The following TIAM1 variants were observed in gnomAD, a reference collection of about 807,000 sequenced individuals.
TIAM1 encodes TIAM Rac1 associated GEF 1, also known as rho guanine nucleotide exchange factor TIAM1.
A neutral mutation model predicts 163.5 loss-of-function variants in TIAM1; 65 were observed. The observed-to-expected ratio is 0.40, with a 90% confidence interval of 0.33 to 0.49. The LOEUF is 0.49. TIAM1 is among the 20% of genes least tolerant of loss of function. TIAM1 has a pLI of 0.77. For missense variants in TIAM1, 1,789 were observed against 2,044.7 expected (o/e 0.87, Z 2.41); for synonymous variants, 833 against 810.1 (o/e 1.03, Z -0.48).
chr21:31,525,914 G>C (rs1381516253), intron 1 of TIAM1, among the ~76,000 whole-genome samples: 1 of 151,220 alleles, frequency 6.6e-6, no homozygotes, highest in Non-Finnish European at 1.5e-5. Flanking sequence ...GGCGCCTGTA[G>C]TCCCAGCTAC....
chr21:31,503,613 G>GGGGAGAGGAGTGGAAGGGA (rs2046934292), intron 1 of TIAM1, among the ~76,000 whole-genome samples: 1 of 116,682 alleles, frequency 8.6e-6, no homozygotes, highest in Non-Finnish European at 1.8e-5. Context: ...GGGGAGGGGA[G>GGGGAGAGGAGTGGAAGGGA]GGACCTGAAA....
chr21:31,282,931 A>G (rs2073633034), intron 2 of TIAM1, among the ~76,000 whole-genome samples: 1 of 152,216 alleles, frequency 6.6e-6, no homozygotes, highest in Non-Finnish European at 1.5e-5. Flanking sequence ...TAAGCAAGAG[A>G]ACAGATTCAT....
intron 1 of TIAM1, among the ~76,000 whole-genome samples, chr21:31,481,322 A>G (rs2046101885): frequency 6.6e-6 from 1 of 152,190 alleles, no homozygotes; most frequent in Non-Finnish European, 1.5e-5. Flanking sequence ...ATCCTACATC[A>G]TGAACTGCTT....
chr21:31,210,806 G>GAAAGAA, intron 10 of TIAM1, among the ~76,000 whole-genome samples: 1 of 148,624 alleles, frequency 6.7e-6, no homozygotes, highest in African/African-American at 2.5e-5. Context: ...AAGAAAGAAA[G>GAAAGAA]AAAGAAAGGT....
At chr21:31,379,468 T>C (rs1299172424) in intron 2 of TIAM1, among the ~76,000 whole-genome samples, 1 of 151,464 alleles carries the variant, frequency 6.6e-6, no homozygotes. Flanking sequence ...GGTTGGACTC[T>C]AGGCAAGTTA....
chr21:31,376,388 G>A (rs949677859), intron 2 of TIAM1, among the ~76,000 whole-genome samples: 6 of 152,138 alleles, frequency 3.9e-5, no homozygotes, highest in African/African-American at 1.4e-4. Flanking sequence ...GGTATGCAGG[G>A]CACCCAGGTT....
chr21:31,181,328 T>A (rs921877455), intron 15 of TIAM1, among the ~76,000 whole-genome samples: 13 of 152,062 alleles, frequency 8.5e-5, no homozygotes, highest in African/African-American at 3.1e-4. Context: ...CACAAGCAAG[T>A]AAGAATCGCA....
chr21:31,490,567 T>G (rs1210648149), intron 1 of TIAM1, among the ~76,000 whole-genome samples: 2 of 152,148 alleles, frequency 1.3e-5, no homozygotes, highest in Non-Finnish European at 2.9e-5. Context: ...GAACCGCCGC[T>G]GCCCAGCCCC....
intron 15 of TIAM1, among the ~76,000 whole-genome samples, chr21:31,173,383 T>C (rs1201531431): frequency 6.6e-6 from 1 of 152,198 alleles, no homozygotes; most frequent in Admixed American, 6.5e-5. Flanking sequence ...ACTCAACTGT[T>C]AGGATATAAT....
intron 2 of TIAM1, chr21:31,452,869 CA>C: frequency 1.9e-6 from 1 of 517,784 alleles, no homozygotes; most frequent in South Asian, 1.4e-5. Flanking sequence ...CTGGAAAAAG[CA>C]GTGCAGTCTT....
At chr21:31,381,704 C>G (rs923537922) in intron 2 of TIAM1, among the ~76,000 whole-genome samples, 1 of 152,062 alleles carries the variant, frequency 6.6e-6, no homozygotes, top group Admixed American at 6.6e-5. Flanking sequence ...TGGTGGTGTA[C>G]ACCTGTAGTC....
chr21:31,282,707 G>C (rs370225469), intron 2 of TIAM1, among the ~76,000 whole-genome samples: 28 of 152,264 alleles, frequency 1.8e-4, no homozygotes, highest in African/African-American at 5.8e-4. Flanking sequence ...CAATCCCTCC[G>C]AACAGATGAA....
rs1435870217 is a variant in TIAM1, at chr21:31,171,497, G to T, written c.2888-6432C>A. ...AAATGTTAACATCTAAAATATAAAAGAACTCTTACAAATCAATAATTGGCG... is the reference window on the plus strand; with the variant it reads ...AAATGTTAACATCTAAAATATAAAATAACTCTTACAAATCAATAATTGGCG... On this transcript the variant is annotated intron_variant, in intron 15 of 27. Transcript: ENST00000541036. Among the ~76,000 whole-genome samples the T allele has an allele frequency of 6.9e-4, 105 of 151,924 alleles. 1 individual carries two copies. Among genetic ancestry groups the T allele is most frequent in the Non-Finnish European group, 1.2e-4 (8 of 67,980 alleles).
chr21:31,329,241 C>A (rs2075596747), intron 2 of TIAM1, among the ~76,000 whole-genome samples: 1 of 152,318 alleles, frequency 6.6e-6, no homozygotes, highest in African/African-American at 2.4e-5. Context: ...TGCTTCCCAG[C>A]CTTCTGCCCT....
At chr21:31,300,406 G>A (rs2074454363) in intron 2 of TIAM1, among the ~76,000 whole-genome samples, 2 of 152,162 alleles carry the variant, frequency 1.3e-5, no homozygotes. Context: ...AACAAGTATG[G>A]GAAATGCTCT....
intron 3 of TIAM1, among the ~76,000 whole-genome samples, chr21:31,269,830 C>G (rs1230444192): frequency 6.6e-6 from 1 of 152,102 alleles, no homozygotes; most frequent in Admixed American, 6.5e-5. Flanking sequence ...CGCCACCACG[C>G]CTGGCTAATT....
intron 10 of TIAM1, chr21:31,212,606 CTTTTTTT>C (rs35838120): frequency 5.3e-5 from 5 of 93,754 alleles, no homozygotes; most frequent in African/African-American, 1.1e-4. Context: ...GCCTGTGAAT[CTTTTTTT>C]TTTTTTTTTT....
intron 16 of TIAM1, among the ~76,000 whole-genome samples, chr21:31,159,346 G>C (rs2083785933): frequency 6.6e-6 from 1 of 152,116 alleles, no homozygotes; most frequent in Non-Finnish European, 1.5e-5. Flanking sequence ...AGTACAAAAA[G>C]AGGGGGTAGA....
At chr21:31,556,172 G>T (rs933187586) in intron 1 of TIAM1, among the ~76,000 whole-genome samples, 105 of 152,172 alleles carry the variant, frequency 6.9e-4, no homozygotes, top group African/African-American at 2.2e-3. Flanking sequence ...AAGGGCGCGA[G>T]AATTCCCAGA....
Sources: allele counts gnomAD v4.1 joint callset (sites outside exome capture counted in the v4.1 genomes callset), GRCh38; gene constraint gnomAD v4.1.1; transcripts MANE v1.5; gene names NCBI Gene and HGNC (gene_info 2026-07-23, HGNC 2026-07-21).